CNTNAP4: variants seen among roughly 807,000 people sequenced by gnomAD.
The protein encoded by CNTNAP4 is contactin associated protein family member 4.
CNTNAP4 carries 98 observed loss-of-function variants against 148.4 expected under a neutral mutation model. The ratio of observed to expected loss-of-function variants is 0.66; its 90% confidence interval spans 0.56 to 0.78. CNTNAP4 has a LOEUF of 0.78. CNTNAP4 is among the 30% of genes least tolerant of loss of function. The pLI is 0.00. For missense variants in CNTNAP4, 1,935 were observed against 1,565.6 expected, an observed-to-expected ratio of 1.24 and a Z score of -3.98; for synonymous variants, 730 against 565.1, an observed-to-expected ratio of 1.29 and a Z score of -4.14.
At chr16:76,314,647 A>C (rs1961507619) in intron 1 of CNTNAP4, among the ~76,000 whole-genome samples, 1 of 152,228 alleles carries the variant, frequency 6.6e-6, no homozygotes, top group Non-Finnish European at 1.5e-5. Flanking sequence ...GGGTCTGTTA[A>C]GTAAACGTTA....
intron 21 of CNTNAP4, among the ~76,000 whole-genome samples, chr16:76,551,609 G>C (rs1328535472): frequency 1.3e-5 from 2 of 152,198 alleles, no homozygotes; most frequent in Non-Finnish European, 2.9e-5. Context: ...GTCCAGTAAT[G>C]CCAACAACTG....
chr16:76,377,198 C>A (rs1231805729), intron 3 of CNTNAP4, among the ~76,000 whole-genome samples: 1 of 152,010 alleles, frequency 6.6e-6, no homozygotes, highest in Non-Finnish European at 1.5e-5. Context: ...GAGGCCCACC[C>A]ATACTATGAA....
At chr16:76,495,616 T>C (rs913790964) in intron 14 of CNTNAP4, among the ~76,000 whole-genome samples, 4 of 59,492 alleles carry the variant, frequency 6.7e-5, no homozygotes, top group African/African-American at 1.3e-4. Context: ...GAGAAGAATC[T>C]TATGCATGTG....
rs141512226 is a variant in CNTNAP4, at chr16:76,419,777, G to T, written c.391-7675G>T. Reference sequence around the variant, plus strand: ...TGAGGTTGAAAAGTCCGAGAACAAGGTGCTACCCAATTCACTTCTTGGTTA... The same window carrying T: ...TGAGGTTGAAAAGTCCGAGAACAAGTTGCTACCCAATTCACTTCTTGGTTA... On this transcript the variant is annotated intron_variant, in intron 3 of 23. Coordinates refer to ENST00000611870, the MANE Select transcript of CNTNAP4 (RefSeq NM_033401.5). 2.1e-3 allele frequency among the ~76,000 whole-genome samples: 313 copies of T among 152,098 alleles called. 1 individual carries two copies. The highest frequency in any genetic ancestry group is 7.3e-3 in the African/African-American group (305 of 41,526).
At chr16:76,302,033 T>G (rs1346813097) in intron 1 of CNTNAP4, among the ~76,000 whole-genome samples, 2 of 152,040 alleles carry the variant, frequency 1.3e-5, no homozygotes, top group Non-Finnish European at 2.9e-5. Flanking sequence ...TGGTTTGAAC[T>G]GAACAGCAGC....
intron 2 of CNTNAP4, among the ~76,000 whole-genome samples, chr16:76,317,731 G>A (rs201635924): frequency 6.7e-6 from 1 of 149,852 alleles, no homozygotes; most frequent in South Asian, 2.1e-4. Flanking sequence ...GTGTGTATGT[G>A]TGTGTGTATT....
At chr16:76,503,910 C>A (rs1198085083) in intron 15 of CNTNAP4, among the ~76,000 whole-genome samples, 1 of 151,656 alleles carries the variant, frequency 6.6e-6, no homozygotes, top group Non-Finnish European at 1.5e-5. Context: ...GCACCAACAA[C>A]ATAAAATATT....
chr16:76,548,403 T>G (rs879528199), intron 21 of CNTNAP4, among the ~76,000 whole-genome samples: 7 of 151,000 alleles, frequency 4.6e-5, no homozygotes, highest in Non-Finnish European at 7.4e-5. Flanking sequence ...ATAAAGTACT[T>G]CGTTTTCTGA....
intron 21 of CNTNAP4, among the ~76,000 whole-genome samples, chr16:76,549,558 A>C (rs1243331916): frequency 1.3e-5 from 2 of 152,238 alleles, no homozygotes; most frequent in Non-Finnish European, 2.9e-5. Context: ...TTTTCTATCA[A>C]AATAAAGCTA....
chr16:76,352,850 T>C (rs775937437), intron 2 of CNTNAP4, among the ~76,000 whole-genome samples: 2 of 152,074 alleles, frequency 1.3e-5, no homozygotes, highest in African/African-American at 2.4e-5. Flanking sequence ...TAAAGTGTGC[T>C]TCAGATCATT....
At position 76,325,898 on chromosome 16, in the gene CNTNAP4, AAAAC is replaced by A. The variant is rs779196617; in HGVS notation, c.196+9380_196+9383del. The stretch of plus-strand genomic sequence containing the variant: ...TTAAATGAATTGAAAAAATGTTTCA[AAAAC>A]AAACCTGCAAAACTGCACTCAATAA... On this transcript the variant is annotated intron_variant, in intron 2 of 23. Transcript: ENST00000611870. Among the ~76,000 whole-genome samples, 80 of 152,268 alleles carry A rather than the reference AAAAC, an allele frequency of 5.3e-4. 1 individual carries two copies. The highest frequency in any genetic ancestry group is 1.6e-3 in the African/African-American group (66 of 41,574).
At chr16:76,516,286 G>A (rs903611701) in intron 15 of CNTNAP4, among the ~76,000 whole-genome samples, 1 of 152,168 alleles carries the variant, frequency 6.6e-6, no homozygotes, top group Non-Finnish European at 1.5e-5. Context: ...TCTTTTTCAA[G>A]GCTGCATAGT....
intron 12 of CNTNAP4, among the ~76,000 whole-genome samples, chr16:76,485,517 T>G (rs535907422): frequency 2.0e-5 from 3 of 152,232 alleles, no homozygotes; most frequent in Non-Finnish European, 4.4e-5. Flanking sequence ...GAGAAATTGA[T>G]GAGTGCCAGA....
rs397854943 is a variant in CNTNAP4 at position 76,342,465 on chromosome 16, CTTTTTT to C, written c.197-12833_197-12828del. ...TCCTAAAATTATAAATTGCTAATTT[CTTTTTT>C]TTTTTTTTTTTTTTTTTTTGAGATG... On this transcript the variant is annotated intron_variant, in intron 2 of 23. Coordinates refer to ENST00000611870, the MANE Select transcript of CNTNAP4 (RefSeq NM_033401.5). Among the ~76,000 whole-genome samples the C allele has an allele frequency of 4.0e-4, 37 of 91,502 alleles. No homozygotes were observed. The South Asian group carries it at 0.011, about 26-fold the overall frequency. The allele number at this position is 91,502 out of a possible 152,430, so 60.0% of individuals were successfully genotyped here.
intron 2 of CNTNAP4, among the ~76,000 whole-genome samples, chr16:76,326,993 C>T (rs181735082): frequency 6.6e-6 from 1 of 152,032 alleles, no homozygotes; most frequent in Non-Finnish European, 1.5e-5. Context: ...CAAAAAAGCT[C>T]ATTCACCCAT....
chr16:76,471,057 T>C (rs375852235), intron 10 of CNTNAP4, among the ~76,000 whole-genome samples: 24 of 152,236 alleles, frequency 1.6e-4, no homozygotes, highest in Middle Eastern at 3.4e-3. Context: ...AGACTTCTTA[T>C]ATTCACATCT....
In CNTNAP4 at chr16:76,299,875, A is replaced by G. The variant is rs9924718; in HGVS notation, c.86-16538A>G. 7.2e-5 allele frequency among the ~76,000 whole-genome samples: 11 copies of G among 152,172 alleles called. 1 individual carries two copies. Among genetic ancestry groups the G allele is most frequent in the Admixed American group, 7.2e-4 (11 of 15,268 alleles). On this transcript the variant is annotated intron_variant, in intron 1 of 23. Transcript: ENST00000611870. ...ATGGATGAAGCTGGAAACCATCATT[A>G]TCAGCAAACTATCACAAGGACAAAA...
rs117479280 is a variant in CNTNAP4 at position 76,483,763 on chromosome 16, G to C, written c.1882+4225G>C. Reference sequence around the variant, plus strand: ...CAGGAAAACAATGTTTCCTTGTTCAGCTCTAACGGGGTATGTGAATGTCAG... The same window carrying C: ...CAGGAAAACAATGTTTCCTTGTTCACCTCTAACGGGGTATGTGAATGTCAG... On this transcript the variant is annotated intron_variant, in intron 12 of 23. Coordinates refer to ENST00000611870, the MANE Select transcript of CNTNAP4 (RefSeq NM_033401.5). 7.2e-5 allele frequency among the ~76,000 whole-genome samples: 11 copies of C among 152,258 alleles called. No homozygotes were observed. The East Asian group carries it at 1.7e-3, about 24-fold the overall frequency.
At chr16:76,543,027 T>C (rs867992614) in intron 21 of CNTNAP4, among the ~76,000 whole-genome samples, 1 of 152,326 alleles carries the variant, frequency 6.6e-6, no homozygotes, top group East Asian at 1.9e-4. Flanking sequence ...TTTCCCTTTT[T>C]GTAAATGAAT....
Sources: allele counts gnomAD v4.1 joint callset (sites outside exome capture counted in the v4.1 genomes callset), GRCh38; gene constraint gnomAD v4.1.1; transcripts MANE v1.5; gene names NCBI Gene and HGNC (gene_info 2026-07-23, HGNC 2026-07-21).